F13A1: variants seen among roughly 807,000 people sequenced by gnomAD.
F13A1 encodes the protein coagulation factor XIII A chain, also known as FSF, A subunit.
A neutral mutation model predicts 80.1 loss-of-function variants in F13A1; 47 were observed. The observed-to-expected ratio is 0.59, with a 90% CI of 0.46 to 0.75. The LOEUF (loss-of-function observed/expected upper bound fraction) is 0.75, where lower values mean the gene tolerates loss of function less well. Among genes scored for constraint, F13A1 ranks in the 30% least tolerant of loss-of-function variants. The pLI, the probability that F13A1 is intolerant of heterozygous loss-of-function variation, is 0.00. For missense variants in F13A1, 817 were observed against 930.4 expected (o/e 0.88, Z 1.59); for synonymous variants, 349 against 344.9 (o/e 1.01, Z -0.13).
intron 3 of F13A1, among the ~76,000 whole-genome samples, chr6:6,296,365 T>C (rs1485097360): frequency 6.8e-6 from 1 of 147,512 alleles, no homozygotes; most frequent in Non-Finnish European, 1.5e-5. Context: ...ATATTGATTC[T>C]TCCTACCCAT....
At chr6:6,248,179 C>T in intron 6 of F13A1, 133 bp downstream of exon 6, 1 of 806,020 alleles carries the variant, frequency 1.2e-6, no homozygotes, top group Non-Finnish European at 2.1e-6. Flanking sequence ...AACTGGGTGT[C>T]AGAAGCTAGA....
chr6:6,310,081 GTT>G (rs1758568803), intron 2 of F13A1, among the ~76,000 whole-genome samples: 1 of 152,182 alleles, frequency 6.6e-6, no homozygotes, highest in Non-Finnish European at 1.5e-5. Flanking sequence ...AGTGTACCTG[GTT>G]AATGTCTAGT....
chr6:6,220,659 G>A (rs1465274354), intron 8 of F13A1, among the ~76,000 whole-genome samples: 1 of 152,110 alleles, frequency 6.6e-6, no homozygotes, highest in Non-Finnish European at 1.5e-5. Flanking sequence ...CAATTGCAAT[G>A]AGTTTTTGGG....
At chr6:6,308,019 T>C (rs868512212) in intron 2 of F13A1, among the ~76,000 whole-genome samples, 28 of 152,154 alleles carry the variant, frequency 1.8e-4, no homozygotes, top group African/African-American at 5.1e-4. Context: ...TTTATTTAAC[T>C]GTTTGCTTGT....
intron 2 of F13A1, among the ~76,000 whole-genome samples, chr6:6,317,569 G>A (rs1258720153): frequency 6.6e-6 from 1 of 152,036 alleles, no homozygotes; most frequent in African/African-American, 2.4e-5. Flanking sequence ...TGTCTGGCTT[G>A]CTGGATAAAC....
At position 6,190,916 on chromosome 6, in the gene F13A1, T is replaced by C. The variant is rs556187679; in HGVS notation, c.1305+4881A>G. On this transcript the variant is annotated intron_variant, in intron 10 of 14. Transcript: ENST00000264870. Reference sequence around the variant, plus strand: ...GACCCTCCGAGCCAGGTGCGGGATATAATCTCGTGGTGCGCCGTTTTTTAA... The same window carrying C: ...GACCCTCCGAGCCAGGTGCGGGATACAATCTCGTGGTGCGCCGTTTTTTAA... 1.7e-3 allele frequency among the ~76,000 whole-genome samples: 266 copies of C among 152,270 alleles called. 1 individual carries two copies. Among genetic ancestry groups the C allele is most frequent in the African/African-American group, 5.8e-3 (243 of 41,562 alleles).
At chr6:6,222,944 C>T (rs1378746358) in intron 7 of F13A1, among the ~76,000 whole-genome samples, 1 of 152,156 alleles carries the variant, frequency 6.6e-6, no homozygotes, top group Non-Finnish European at 1.5e-5. Flanking sequence ...CTTAATGCCC[C>T]AAACAACAGT....
intron 4 of F13A1, among the ~76,000 whole-genome samples, chr6:6,258,727 CTATTT>C (rs753963119): frequency 6.6e-6 from 1 of 152,158 alleles, no homozygotes; most frequent in African/African-American, 2.4e-5. Flanking sequence ...ATGATGCATA[CTATTT>C]TATTTAAGAG....
intron 3 of F13A1, among the ~76,000 whole-genome samples, chr6:6,299,698 C>A (rs1415883642): frequency 6.9e-6 from 1 of 144,054 alleles, no homozygotes; most frequent in African/African-American, 2.8e-5. Flanking sequence ...GTTTGAATGT[C>A]CTCCCGTAGC....
At chr6:6,167,364 A>T in intron 13 of F13A1, 94 bp downstream of exon 13, 1 of 937,354 alleles carries the variant, frequency 1.1e-6, no homozygotes, top group South Asian at 1.8e-5. Context: ...ACATTCATTC[A>T]CACACACACA....
chr6:6,280,288 G>A (rs1314337887), intron 3 of F13A1, among the ~76,000 whole-genome samples: 2 of 152,072 alleles, frequency 1.3e-5, no homozygotes, highest in Non-Finnish European at 2.9e-5. Context: ...AATTAAATAC[G>A]CAAGTTTAGA....
At chr6:6,206,932 G>C (rs1761499361) in intron 8 of F13A1, among the ~76,000 whole-genome samples, 1 of 151,364 alleles carries the variant, frequency 6.6e-6, no homozygotes, top group African/African-American at 2.4e-5. Context: ...GTGGTTAAGA[G>C]TGGGCTCTGG....
intron 2 of F13A1, among the ~76,000 whole-genome samples, chr6:6,313,113 G>A (rs959884042): frequency 6.6e-6 from 1 of 152,116 alleles, no homozygotes; most frequent in African/African-American, 2.4e-5. Flanking sequence ...AAGCATTGAT[G>A]AATCTAGCAT....
intron 8 of F13A1, among the ~76,000 whole-genome samples, chr6:6,218,158 C>T (rs1464241478): frequency 1.3e-5 from 2 of 152,168 alleles, no homozygotes; most frequent in East Asian, 3.8e-4. Flanking sequence ...TTAGAAGGAG[C>T]GAAGCCTTTC....
chr6:6,254,405 A>G (rs771074851), intron 4 of F13A1, among the ~76,000 whole-genome samples: 14 of 152,162 alleles, frequency 9.2e-5, no homozygotes, highest in African/African-American at 1.9e-4. Context: ...TTGTAAACAA[A>G]ACACCAAAAC....
chr6:6,267,162 A>G (rs771189867), intron 3 of F13A1, among the ~76,000 whole-genome samples: 2 of 152,238 alleles, frequency 1.3e-5, no homozygotes, highest in Non-Finnish European at 1.5e-5. Context: ...AGGTGGTTAC[A>G]TAAGTTACTG....
chr6:6,158,908 T>TC (rs1199945229), intron 13 of F13A1, among the ~76,000 whole-genome samples: 27 of 110,950 alleles, frequency 2.4e-4, no homozygotes, highest in African/African-American at 9.7e-4. Context: ...TTTCTTTCTT[T>TC]TTTTTTTTTT....
intron 13 of F13A1, among the ~76,000 whole-genome samples, chr6:6,152,575 G>C (rs1054611359): frequency 4.6e-5 from 7 of 152,152 alleles, no homozygotes; most frequent in Non-Finnish European, 8.8e-5. Flanking sequence ...GTATTTGGAA[G>C]AACACCACAG....
chr6:6,159,414 T>C (rs868794599), intron 13 of F13A1, among the ~76,000 whole-genome samples: 1 of 152,054 alleles, frequency 6.6e-6, no homozygotes, highest in Non-Finnish European at 1.5e-5. Context: ...GAACACAACA[T>C]TAGGATGGTT....
Sources: gnomAD v4.1 joint callset for allele counts (sites outside exome capture counted in the v4.1 genomes callset) on GRCh38, gnomAD v4.1.1 for gene constraint, MANE v1.5 for transcripts, NCBI Gene and HGNC (gene_info 2026-07-23, HGNC 2026-07-21) for gene names.